The following SLC12A3 variants were observed in gnomAD, a reference collection of about 807,000 sequenced individuals.
The protein encoded by SLC12A3 is Na-Cl cotransporter.
In SLC12A3, 104 loss-of-function variants were observed where a neutral mutation model predicts 121.0. The observed-to-expected ratio is 0.86, with a 90% CI of 0.73 to 1.01. SLC12A3 has a LOEUF of 1.01. Ranked by LOEUF, SLC12A3 falls within the 50% of genes least tolerant of loss-of-function variation. The pLI is 0.00. For synonymous variants in SLC12A3, 536 were observed against 533.4 expected (o/e 1.00, Z -0.07); for missense variants, 1,328 against 1,356.3 (o/e 0.98, Z 0.33).
rs1262076308 is a variant in SLC12A3, at chr16:56,865,307, A to G, written c.72A>G (p.Thr24=). 2 of 1,613,836 alleles carry G rather than the reference A, an allele frequency of 1.2e-6. No homozygotes were observed. The highest frequency in any genetic ancestry group is 1.7e-5 in the Admixed American group (1 of 60,006). Residue 24 remains threonine (T), a synonymous_variant, in exon 1 of 26, where the codon ACA becomes ACG. Transcript: ENST00000563236. The stretch of plus-strand genomic sequence containing the variant: ...GCAGCGGGCGCTTCACCATCAGCAC[A>G]CTGCTGAGCAGTGATGAGCCCTCTC... ...TLCSGRFTIS[T]LLSSDEPSPP... is the part of the protein sequence containing the mutation.
chr16:56,888,091 G>A, intron 18 of SLC12A3, 60 bp downstream of exon 18: 2 of 1,307,540 alleles, frequency 1.5e-6, no homozygotes, highest in Non-Finnish European at 1.1e-6. Context: ...TGGGCCTTGA[G>A]AAGTGGAAAA....
intron 24 of SLC12A3, 23 bp downstream of exon 24, chr16:56,902,531 G>GGCCCCC: frequency 5.6e-6 from 4 of 714,550 alleles, no homozygotes; most frequent in Non-Finnish European, 7.2e-6. Flanking sequence ...GTGGGGGTGG[G>GGCCCCC]AAACGCGACA....
chr16:56,888,964 C>T (rs1014753839), intron 18 of SLC12A3, among the ~76,000 whole-genome samples: 2 of 152,214 alleles, frequency 1.3e-5, no homozygotes, highest in African/African-American at 4.8e-5. Context: ...AGCTCAAGAG[C>T]TCTGAGGCGG....
intron 8 of SLC12A3, 44 bp from the exon 9 acceptor site, chr16:56,878,033 T>TCC: frequency 1.8e-5 from 9 of 505,940 alleles, no homozygotes; most frequent in South Asian, 5.5e-5. Flanking sequence ...CCTCCCTCCC[T>TCC]CTCTCCCTCC....
chr16:56,913,224 C>T (rs143336929), intron 25 of SLC12A3, 40 bp from the exon 26 acceptor site: 11 of 1,613,778 alleles, frequency 6.8e-6, no homozygotes, highest in Admixed American at 5.0e-5. Context: ...GGAGCGGCCC[C>T]GTGGTAATCT....
intron 24 of SLC12A3, among the ~76,000 whole-genome samples, chr16:56,902,835 T>C (rs2055557481): frequency 6.6e-6 from 1 of 152,114 alleles, no homozygotes; most frequent in African/African-American, 2.4e-5. Context: ...AGACTCATGG[T>C]GACAGCCAAG....
intron 8 of SLC12A3, among the ~76,000 whole-genome samples, chr16:56,873,205 C>T (rs2055121629): frequency 1.3e-5 from 2 of 152,176 alleles, no homozygotes; most frequent in South Asian, 2.1e-4. Flanking sequence ...CTAGCCTCAT[C>T]CCTGACCAGT....
intron 13 of SLC12A3, among the ~76,000 whole-genome samples, chr16:56,882,835 GGGA>G (rs1172144420): frequency 1.3e-5 from 2 of 151,920 alleles, no homozygotes; most frequent in Non-Finnish European, 2.9e-5. Flanking sequence ...CAAGCTATTC[GGGA>G]GGCTGAGGCA....
chr16:56,883,783 T>G (rs1204994640), intron 13 of SLC12A3, among the ~76,000 whole-genome samples: 1 of 152,198 alleles, frequency 6.6e-6, no homozygotes, highest in Non-Finnish European at 1.5e-5. Context: ...GCTGGTGCTG[T>G]TGCTGACATG....
rs535511472 is a variant in SLC12A3, at chr16:56,888,440, T to C, written c.2285+409T>C. ...CCAGGCCAGGGGTGATAGGGAGCAG[T>C]GGAGACTGTGGCAACCCAGAGAGAG... is the stretch of plus-strand genomic sequence containing the variant. On this transcript the variant is annotated intron_variant, in intron 18 of 25. Transcript: ENST00000563236. Among the ~76,000 whole-genome samples the C allele has an allele frequency of 9.1e-4, 138 of 151,276 alleles. 2 individuals carry two copies. Among genetic ancestry groups the C allele is most frequent in the African/African-American group, 3.2e-3 (131 of 41,156 alleles).
At chr16:56,867,022 C>G in intron 1 of SLC12A3, 48 bp from the exon 2 acceptor site, 6 of 1,602,528 alleles carry the variant, frequency 3.7e-6, no homozygotes, top group Non-Finnish European at 5.1e-6. Flanking sequence ...GCAGAGACGC[C>G]GTCCCTAGCA....
At position 56,913,453 on chromosome 16, in the gene SLC12A3, G is replaced by T. The variant is rs1230557045; in HGVS notation, c.*48G>T. The T allele has an allele frequency of 6.3e-7, 1 of 1,598,556 alleles. No homozygotes were observed. The highest frequency in any genetic ancestry group is 1.7e-5 in the Admixed American group (1 of 60,020). ...CCACAGCTCTGAGTGTGTGGGATAA[G>T]TTGGAACTTGATTGCCTCTAGTCCA... On this transcript the variant is annotated 3_prime_UTR_variant, in exon 26 of 26. Transcript: ENST00000563236.
chr16:56,867,609 C>T (rs575561065), intron 2 of SLC12A3, among the ~76,000 whole-genome samples: 205 of 152,292 alleles, frequency 1.3e-3, no homozygotes, highest in African/African-American at 3.9e-3. Flanking sequence ...AAGGCTTTAG[C>T]CCTGCTCCGG....
intron 25 of SLC12A3, 151 bp from the exon 26 acceptor site, chr16:56,913,113 G>C: frequency 1.1e-6 from 1 of 943,506 alleles, no homozygotes; most frequent in Non-Finnish European, 1.7e-6. Context: ...GGTCAGGTTT[G>C]TGCGGAAAGT....
chr16:56,886,356 C>A lies in SLC12A3; in HGVS notation c.1926-8C>A. On this transcript the variant is annotated splice_region_variant and splice_polypyrimidine_tract_variant and intron_variant, in intron 15 of 25. Coordinates refer to ENST00000563236, the MANE Select transcript of SLC12A3 (RefSeq NM_001126108.2). ...GATGGCTCCTGCCCTTTTCCCTTCCCTCCTCAGCCCCCAGTGCCTGGTGCT... is the reference window on the plus strand; with the variant it reads ...GATGGCTCCTGCCCTTTTCCCTTCCATCCTCAGCCCCCAGTGCCTGGTGCT... The A allele has an allele frequency of 6.2e-7, 1 of 1,608,352 alleles. No homozygotes were observed. The highest frequency in any genetic ancestry group is 8.5e-7 in the Non-Finnish European group (1 of 1,174,900).
chr16:56,875,776 TGTGCCTAAC>T (rs2055157289), intron 8 of SLC12A3, among the ~76,000 whole-genome samples: 2 of 142,502 alleles, frequency 1.4e-5, no homozygotes, highest in Non-Finnish European at 3.1e-5. Context: ...TGGACCTGGA[TGTGCCTAAC>T]GTTGTTAAAT....
chr16:56,889,022 T>TG (rs2055355851), intron 18 of SLC12A3, among the ~76,000 whole-genome samples: 3 of 152,088 alleles, frequency 2.0e-5, no homozygotes, highest in Non-Finnish European at 2.9e-5. Context: ...CGGAACTCCC[T>TG]GGGGACTTCA....
rs1388472053 is a variant in SLC12A3, at chr16:56,902,623, TC to T, written c.2856+117del. 1.1e-5 allele frequency: 14 copies of T among 1,310,172 alleles called. No homozygotes were observed. In the African/African-American group the frequency reaches 2.0e-4, roughly 19 times the overall value. The allele number at this position is 1,310,172 out of a possible 1,614,324, so 81.2% of individuals were successfully genotyped here. A position where few individuals can be genotyped will look rare whatever the true frequency, so the allele number is the denominator to read the frequency against. On this transcript the variant is annotated intron_variant, in intron 24 of 25. Coordinates refer to ENST00000563236, the MANE Select transcript of SLC12A3 (RefSeq NM_001126108.2). ...CTCGATCCTCCACCCTGCCTTCCAC[TC>T]CGGCCCCTGAGGTATCCTCAAGCCA... is the stretch of plus-strand genomic sequence containing the variant.
chr16:56,905,859 A>G (rs568821111), intron 25 of SLC12A3, among the ~76,000 whole-genome samples: 1 of 152,318 alleles, frequency 6.6e-6, no homozygotes, highest in Admixed American at 6.5e-5. Flanking sequence ...GTGGGCATGA[A>G]ACGTCAGGGT....
Sources: allele counts gnomAD v4.1 joint callset (sites outside exome capture counted in the v4.1 genomes callset), GRCh38; gene constraint gnomAD v4.1.1; transcripts MANE v1.5; gene names NCBI Gene and HGNC (gene_info 2026-07-23, HGNC 2026-07-21).